Variants in HS2ST1 observed in about 807,000 individuals in gnomAD.
HS2ST1 encodes heparan sulfate 2-O-sulfotransferase 1.
In HS2ST1, 18 loss-of-function variants were observed where a neutral mutation model predicts 42.9. The observed-to-expected ratio is 0.42, with a 90% CI of 0.29 to 0.62. The LOEUF is 0.62. HS2ST1 is among the 20% of genes least tolerant of loss of function. HS2ST1 has a pLI of 0.21. For synonymous variants in HS2ST1, 146 were observed against 152.9 expected, an observed-to-expected ratio of 0.95 and a Z score of 0.33; for missense variants, 334 against 433.8, an observed-to-expected ratio of 0.77 and a Z score of 2.04.
chr1:87,023,933 A>G (rs185525459), intron 1 of HS2ST1, among the ~76,000 whole-genome samples: 5 of 152,280 alleles, frequency 3.3e-5, no homozygotes, highest in Admixed American at 3.3e-4. Flanking sequence ...ATGAAGAGCC[A>G]TTGGAGAAAG....
intron 1 of HS2ST1, among the ~76,000 whole-genome samples, chr1:86,954,079 T>A (rs1017861761): frequency 6.9e-6 from 1 of 144,956 alleles, no homozygotes; most frequent in Non-Finnish European, 1.5e-5. Context: ...AGGCCGGGCT[T>A]GGTGGCTCAC....
At chr1:86,939,653 G>C (rs1345024081) in intron 1 of HS2ST1, among the ~76,000 whole-genome samples, 11 of 152,212 alleles carry the variant, frequency 7.2e-5, no homozygotes, top group Non-Finnish European at 1.5e-4. Flanking sequence ...GGTGTGGCCT[G>C]CGCCTCAGTT....
At chr1:87,095,891 A>G (rs1287565649) in intron 4 of HS2ST1, among the ~76,000 whole-genome samples, 1 of 152,074 alleles carries the variant, frequency 6.6e-6, no homozygotes, top group Non-Finnish European at 1.5e-5. Context: ...TCCGACAAAA[A>G]AATGAAAAGA....
chr1:87,040,693 A>G (rs1328005094), intron 1 of HS2ST1, among the ~76,000 whole-genome samples: 1 of 152,158 alleles, frequency 6.6e-6, no homozygotes, highest in African/African-American at 2.4e-5. Flanking sequence ...GTAGAGCATT[A>G]TTTCTGTAAT....
intron 6 of HS2ST1, 117 bp downstream of exon 6, chr1:87,103,706 G>A (rs1324303266): frequency 1.6e-5 from 13 of 820,558 alleles, no homozygotes; most frequent in South Asian, 2.4e-5. Flanking sequence ...GCTCCAGAAA[G>A]GCAGGTATCT....
chr1:87,080,947 C>T (rs773997029), intron 2 of HS2ST1, among the ~76,000 whole-genome samples: 2 of 152,156 alleles, frequency 1.3e-5, no homozygotes, highest in Non-Finnish European at 2.9e-5. Flanking sequence ...CCCCTGCCAC[C>T]ATGGGCTAAA....
At chr1:86,917,624 A>G (rs959917543) in intron 1 of HS2ST1, among the ~76,000 whole-genome samples, 2 of 152,242 alleles carry the variant, frequency 1.3e-5, no homozygotes, top group South Asian at 2.1e-4. Context: ...TTTAAGTGGC[A>G]GAGCCAGGAT....
At chr1:87,000,204 A>G (rs1649242362) in intron 1 of HS2ST1, among the ~76,000 whole-genome samples, 1 of 152,194 alleles carries the variant, frequency 6.6e-6, no homozygotes, top group African/African-American at 2.4e-5. Context: ...AAGTGGACTT[A>G]AAATTGATGC....
chr1:86,964,008 G>A (rs1192402180), intron 1 of HS2ST1, among the ~76,000 whole-genome samples: 7 of 150,018 alleles, frequency 4.7e-5, no homozygotes, highest in South Asian at 2.1e-4. Context: ...CAGGGCGGCC[G>A]GGCAGAGACG....
At chr1:86,940,595 A>G (rs1228230471) in intron 1 of HS2ST1, among the ~76,000 whole-genome samples, 1 of 152,212 alleles carries the variant, frequency 6.6e-6, no homozygotes, top group Non-Finnish European at 1.5e-5. Context: ...AATTTATGTC[A>G]CCTGAAGAGA....
intron 1 of HS2ST1, among the ~76,000 whole-genome samples, chr1:86,944,440 C>G (rs1380614429): frequency 6.6e-6 from 1 of 152,066 alleles, no homozygotes; most frequent in Non-Finnish European, 1.5e-5. Context: ...CTGCAACCTC[C>G]CCCTTCTGGG....
chr1:86,943,142 T>C (rs1212249986), intron 1 of HS2ST1, among the ~76,000 whole-genome samples: 4 of 152,200 alleles, frequency 2.6e-5, no homozygotes, highest in African/African-American at 9.6e-5. Flanking sequence ...GGTTTAAGAT[T>C]AGATTCTCCT....
At chr1:87,041,226 AAAAAAAAAAAAAAAC>A (rs899537392) in intron 1 of HS2ST1, among the ~76,000 whole-genome samples, 6 of 17,184 alleles carry the variant, frequency 3.5e-4, no homozygotes, top group Admixed American at 2.5e-3. Flanking sequence ...TGTCTCTACT[AAAAAAAAAAAAAAAC>A]AAAAAAAAAA....
chr1:87,013,327 C>T (rs749710455), intron 1 of HS2ST1, among the ~76,000 whole-genome samples: 19 of 152,344 alleles, frequency 1.2e-4, no homozygotes, highest in Middle Eastern at 3.4e-3. Flanking sequence ...TCTGTGCACC[C>T]ACAGGCCCAA....
intron 5 of HS2ST1, 95 bp downstream of exon 5, chr1:87,098,030 T>C: frequency 6.4e-7 from 1 of 1,554,914 alleles, no homozygotes; most frequent in South Asian, 1.2e-5. Context: ...GGGAAATCGG[T>C]GAAAGACTAG....
chr1:87,108,235 A>G lies in HS2ST1; in HGVS notation c.*3539A>G, dbSNP rs1489869799. 1 of 152,124 alleles carries G rather than the reference A, an allele frequency of 6.6e-6. No homozygotes were observed. Among genetic ancestry groups the G allele is most frequent in the Non-Finnish European group, 1.5e-5 (1 of 67,972 alleles). 9.4% of individuals were successfully genotyped at this position (152,124 alleles called of 1,614,324 possible). ...TAACTAAAAGCTGGTTCCCAAATGCATAGCTGGCATTTTAATTTAAATTCA... is the reference window on the plus strand; with the variant it reads ...TAACTAAAAGCTGGTTCCCAAATGCGTAGCTGGCATTTTAATTTAAATTCA... On this transcript the variant is annotated 3_prime_UTR_variant, in exon 7 of 7. Transcript: ENST00000370550.
intron 1 of HS2ST1, among the ~76,000 whole-genome samples, chr1:86,968,885 C>T (rs1047415630): frequency 1.3e-5 from 2 of 152,028 alleles, no homozygotes; most frequent in African/African-American, 4.8e-5. Context: ...ATTTTATTCT[C>T]TCATATTTGT....
intron 1 of HS2ST1, among the ~76,000 whole-genome samples, chr1:87,038,118 TTTTA>T (rs1490213733): frequency 2.6e-5 from 4 of 152,042 alleles, no homozygotes; most frequent in Non-Finnish European, 5.9e-5. Flanking sequence ...ACTTGTCAAA[TTTTA>T]TTTAGTTAGG....
Position 86,926,126 on chromosome 1 carries a change from C to T in HS2ST1, c.124+10966C>T, listed in dbSNP as rs532024085. 1.2e-3 allele frequency among the ~76,000 whole-genome samples: 185 copies of T among 152,194 alleles called. 1 individual carries two copies. The highest frequency in any genetic ancestry group is 4.2e-3 in the African/African-American group (174 of 41,520). On this transcript the variant is annotated intron_variant, in intron 1 of 6. Transcript: ENST00000370550. The stretch of plus-strand genomic sequence containing the variant: ...TAATTTTGCTCCATTACTGGCAGTC[C>T]CTTGTAGTGCCCTTCAGAGTATTCC...
Sources: gnomAD v4.1 joint callset for allele counts (sites outside exome capture counted in the v4.1 genomes callset) on GRCh38, gnomAD v4.1.1 for gene constraint, MANE v1.5 for transcripts, NCBI Gene and HGNC (gene_info 2026-07-23, HGNC 2026-07-21) for gene names.